Variants in ZSWIM5 observed in about 807,000 individuals in gnomAD.
ZSWIM5 encodes the protein zinc finger SWIM domain-containing protein 5.
ZSWIM5 carries 55 observed loss-of-function variants against 119.6 expected under a neutral mutation model. That is an observed-to-expected ratio of 0.46 (90% CI 0.37 to 0.58). The LOEUF (loss-of-function observed/expected upper bound fraction) is 0.58. ZSWIM5 is among the 20% of genes least tolerant of loss of function. The pLI, the probability that ZSWIM5 is intolerant of heterozygous loss-of-function variation, is 0.00. For missense variants in ZSWIM5, 1,193 were observed against 1,512.8 expected (o/e 0.79, Z 3.51); for synonymous variants, 537 against 606.9 (o/e 0.88, Z 1.69).
At chr1:45,063,165 T>A (rs577237742) in intron 2 of ZSWIM5, among the ~76,000 whole-genome samples, 2 of 152,348 alleles carry the variant, frequency 1.3e-5, no homozygotes, top group African/African-American at 4.8e-5. Flanking sequence ...GGTCTTTTTT[T>A]AATAGCTGCA....
At chr1:45,068,095 T>C (rs1247219422) in intron 2 of ZSWIM5, among the ~76,000 whole-genome samples, 2 of 122,278 alleles carry the variant, frequency 1.6e-5, no homozygotes, top group African/African-American at 6.2e-5. Context: ...ATTTTTCTTT[T>C]TTTTTTTTTT....
chr1:45,145,235 T>C (rs1194138421), intron 1 of ZSWIM5, among the ~76,000 whole-genome samples: 1 of 151,980 alleles, frequency 6.6e-6, no homozygotes, highest in Non-Finnish European at 1.5e-5. Context: ...GTACAGGCGC[T>C]CTGGAAAAGC....
intron 2 of ZSWIM5, among the ~76,000 whole-genome samples, chr1:45,073,503 C>A (rs1570060543): frequency 6.6e-6 from 1 of 151,620 alleles, no homozygotes. Flanking sequence ...AGGTGATCTG[C>A]CTGCCTCAGC....
chr1:45,196,841 A>T (rs1217315016), intron 1 of ZSWIM5, among the ~76,000 whole-genome samples: 1 of 152,190 alleles, frequency 6.6e-6, no homozygotes, highest in Non-Finnish European at 1.5e-5. Context: ...ATCACCCAGA[A>T]GTTTTCTCAC....
intron 1 of ZSWIM5, among the ~76,000 whole-genome samples, chr1:45,136,058 G>A (rs983312205): frequency 1.3e-5 from 2 of 151,866 alleles, no homozygotes; most frequent in Admixed American, 6.6e-5. Context: ...ATGGAGTTTC[G>A]CCATGTTGCC....
chr1:45,044,723 C>CAAAAAAA (rs869224710), intron 5 of ZSWIM5, among the ~76,000 whole-genome samples: 1 of 4,402 alleles, frequency 2.3e-4, no homozygotes, highest in Non-Finnish European at 4.0e-4. Context: ...GACTCCGTCT[C>CAAAAAAA]AAAAAAAAAA....
intron 2 of ZSWIM5, among the ~76,000 whole-genome samples, chr1:45,081,238 G>GCTCCCTCTCCCTCTCCCT (rs72132650): frequency 2.8e-4 from 41 of 146,266 alleles, no homozygotes; most frequent in Non-Finnish European, 7.5e-5. Flanking sequence ...TCTTTATCTA[G>GCTCCCTCTCCCTCTCCCT]CTCCCTCTCC....
At chr1:45,179,483 A>G (rs539193315) in intron 1 of ZSWIM5, among the ~76,000 whole-genome samples, 4 of 152,206 alleles carry the variant, frequency 2.6e-5, no homozygotes, top group Admixed American at 2.0e-4. Context: ...AAAAATACCT[A>G]TTGGGTACTA....
chr1:45,092,035 G>T (rs1412706344), intron 1 of ZSWIM5, among the ~76,000 whole-genome samples: 2 of 152,052 alleles, frequency 1.3e-5, no homozygotes, highest in African/African-American at 4.8e-5. Flanking sequence ...GATCTCCATG[G>T]TTTAATCCTG....
intron 1 of ZSWIM5, among the ~76,000 whole-genome samples, chr1:45,132,870 T>C (rs1645666526): frequency 6.6e-6 from 1 of 152,204 alleles, no homozygotes; most frequent in South Asian, 2.1e-4. Flanking sequence ...GTGTTTGGTT[T>C]TTTTGTCCTT....
At chr1:45,054,908 G>A (rs1645112100) in intron 4 of ZSWIM5, among the ~76,000 whole-genome samples, 1 of 151,934 alleles carries the variant, frequency 6.6e-6, no homozygotes, top group Non-Finnish European at 1.5e-5. Context: ...TCACTGCAAT[G>A]TCTGCCTCCC....
chr1:45,124,425 A>G (rs962802541), intron 1 of ZSWIM5, among the ~76,000 whole-genome samples: 2 of 152,104 alleles, frequency 1.3e-5, no homozygotes, highest in Non-Finnish European at 2.9e-5. Context: ...TGTATACAGA[A>G]CATAAAACCT....
chr1:45,115,217 C>A (rs1465996614), intron 1 of ZSWIM5, among the ~76,000 whole-genome samples: 1 of 150,846 alleles, frequency 6.6e-6, no homozygotes, highest in Non-Finnish European at 1.5e-5. Flanking sequence ...CCAGATGGGG[C>A]AGCCAGGCAG....
chr1:45,082,364 A>G (rs1223576141), intron 2 of ZSWIM5, among the ~76,000 whole-genome samples: 1 of 152,142 alleles, frequency 6.6e-6, no homozygotes, highest in Non-Finnish European at 1.5e-5. Flanking sequence ...TCTTTATCTA[A>G]ATGTCCTAGA....
At chr1:45,176,556 C>T (rs930237392) in intron 1 of ZSWIM5, among the ~76,000 whole-genome samples, 8 of 152,120 alleles carry the variant, frequency 5.3e-5, no homozygotes, top group South Asian at 2.1e-4. Flanking sequence ...TGAGCCACCG[C>T]GCCCGGCCTG....
chr1:45,178,175 C>T (rs1352855189), intron 1 of ZSWIM5, among the ~76,000 whole-genome samples: 3 of 152,058 alleles, frequency 2.0e-5, no homozygotes, highest in African/African-American at 7.2e-5. Flanking sequence ...CCTGTAATCC[C>T]AGCACTTTCG....
intron 1 of ZSWIM5, among the ~76,000 whole-genome samples, chr1:45,165,476 C>T (rs1485155392): frequency 6.6e-6 from 1 of 151,988 alleles, no homozygotes; most frequent in African/African-American, 2.4e-5. Flanking sequence ...CAGAGCAGAA[C>T]TGAAGGAGAT....
chr1:45,081,544 C>T (rs934390534), intron 2 of ZSWIM5, among the ~76,000 whole-genome samples: 28 of 152,366 alleles, frequency 1.8e-4, no homozygotes, highest in Admixed American at 1.5e-3. Flanking sequence ...AGCTCCTAAC[C>T]GCGAGTGATC....
At chr1:45,177,066 G>A (rs1042818111) in intron 1 of ZSWIM5, among the ~76,000 whole-genome samples, 14 of 152,112 alleles carry the variant, frequency 9.2e-5, no homozygotes, top group Non-Finnish European at 1.2e-4. Flanking sequence ...AAAAGGGAAT[G>A]ATTAAGGATT....
Sources: gnomAD v4.1 joint callset for allele counts (sites outside exome capture counted in the v4.1 genomes callset) on GRCh38, gnomAD v4.1.1 for gene constraint, MANE v1.5 for transcripts, NCBI Gene and HGNC (gene_info 2026-07-23, HGNC 2026-07-21) for gene names.